The following VSIG8 variants were observed in gnomAD, a reference collection of about 807,000 sequenced individuals.
VSIG8 encodes V-set and immunoglobulin domain containing 8, also known as V-set and immunoglobulin domain-containing protein 8.
In VSIG8, 32 loss-of-function variants were observed where a neutral mutation model predicts 42.6. The ratio of observed to expected loss-of-function variants is 0.75; its 90% CI spans 0.57 to 1.01. The LOEUF is 1.01. Among genes scored for constraint, VSIG8 ranks in the 50% least tolerant of loss-of-function variants. The pLI, the probability that VSIG8 is intolerant of heterozygous loss-of-function variation, is 0.00. For synonymous variants in VSIG8, 290 were observed against 243.8 expected (o/e 1.19, Z -1.77); for missense variants, 529 against 558.0 (o/e 0.95, Z 0.52).
intron 1 of VSIG8, 156 bp downstream of exon 1, chr1:159,862,317 C>T: frequency 1.4e-6 from 1 of 692,768 alleles, no homozygotes; most frequent in Non-Finnish European, 2.4e-6. Flanking sequence ...GGAAAGGTCC[C>T]CTGGTAATAC....
intron 6 of VSIG8, chr1:159,855,435 C>A: frequency 7.1e-7 from 1 of 1,415,514 alleles, no homozygotes; most frequent in Non-Finnish European, 9.2e-7. Flanking sequence ...TCCATCTTTC[C>A]CTCCATCCCC....
At chr1:159,859,928 A>G (rs1363452552) in intron 1 of VSIG8, among the ~76,000 whole-genome samples, 1 of 151,964 alleles carries the variant, frequency 6.6e-6, no homozygotes, top group East Asian at 1.9e-4. Flanking sequence ...CTGAAGCCCC[A>G]GGCAGGCCTA....
intron 1 of VSIG8, chr1:159,862,268 C>T (rs2101832979): frequency 3.7e-6 from 2 of 536,220 alleles, no homozygotes; most frequent in Non-Finnish European, 6.6e-6. Flanking sequence ...CTCTGCACTA[C>T]AGACACACAC....
intron 1 of VSIG8, chr1:159,860,530 C>T (rs1358424818): frequency 6.6e-6 from 1 of 152,184 alleles, no homozygotes; most frequent in Non-Finnish European, 1.5e-5. Flanking sequence ...AACATCCCCC[C>T]TAGGAACACT....
intron 1 of VSIG8, among the ~76,000 whole-genome samples, chr1:159,859,945 A>G (rs1294252081): frequency 6.6e-6 from 1 of 151,718 alleles, no homozygotes; most frequent in Non-Finnish European, 1.5e-5. Context: ...CCTATCCCCA[A>G]CCGGTTGGAC....
chr1:159,856,393 A>G, intron 5 of VSIG8, 131 bp downstream of exon 5: 1 of 1,478,976 alleles, frequency 6.8e-7, no homozygotes, highest in Non-Finnish European at 9.2e-7. Context: ...CTTGTAGGAA[A>G]GGGGCTGGGA....
intron 6 of VSIG8, 78 bp downstream of exon 6, chr1:159,855,805 C>G: frequency 6.8e-7 from 1 of 1,460,458 alleles, no homozygotes; most frequent in Non-Finnish European, 9.0e-7. Context: ...CCCAGCCGGC[C>G]GGTGGCAGGC....
chr1:159,861,252 A>G (rs1160570286), intron 1 of VSIG8: 1 of 152,000 alleles, frequency 6.6e-6, no homozygotes, highest in Non-Finnish European at 1.5e-5. Context: ...AGCACCAGAA[A>G]CTGGCCATGC....
In VSIG8 at chr1:159,858,804, T is replaced by C. The variant is rs747222596; in HGVS notation, c.158A>G (p.Tyr53Cys). The change falls in exon 2 of 7, where the codon TAT (tyrosine) becomes TGT (cysteine). Residue 53 changes from tyrosine to cysteine, a missense_variant. Physicochemically the swap from Tyr to Cys is radical, Grantham distance 194. Transcript: ENST00000368100. Reference protein sequence around the residue: ...GCPYVLDPEDYGPNGLDIEWM... With the variant: ...GCPYVLDPEDCGPNGLDIEWM... ...CTCGATGTCCAGCCCATTGGGACCA[T>C]AGTCCTCAGGGTCCAGGACGTAGGG... 3 of 1,614,040 alleles carry C rather than the reference T, an allele frequency of 1.9e-6. No homozygotes were observed. Among genetic ancestry groups the C allele is most frequent in the Non-Finnish European group, 2.5e-6 (3 of 1,179,986 alleles).
chr1:159,856,149 A>T, intron 5 of VSIG8, 68 bp from the exon 6 acceptor site: 1 of 1,478,052 alleles, frequency 6.8e-7, no homozygotes, highest in Non-Finnish European at 9.2e-7. Context: ...GAACAGCACC[A>T]GGAGGTGCCA....
intron 1 of VSIG8, chr1:159,862,112 A>G: frequency 3.7e-6 from 1 of 269,990 alleles, no homozygotes. Flanking sequence ...GCCCTCACCC[A>G]ATGCCCGTGC....
At chr1:159,862,404 G>C in intron 1 of VSIG8, 69 bp downstream of exon 1, 1 of 1,511,284 alleles carries the variant, frequency 6.6e-7, no homozygotes, top group Non-Finnish European at 9.0e-7. Flanking sequence ...TCCACTGTGA[G>C]CCCTTGCTGC....
At chr1:159,855,501 C>T (rs1473219532) in intron 6 of VSIG8, 1 of 985,046 alleles carries the variant, frequency 1.0e-6, no homozygotes, top group Non-Finnish European at 1.2e-6. Flanking sequence ...TTCTAGTTTG[C>T]TTCTAATATA....
At position 159,857,736 on chromosome 1, in the gene VSIG8, C is replaced by T. The variant is rs757081885; in HGVS notation, c.652+9G>A. 13 of 1,612,872 alleles carry T rather than the reference C, an allele frequency of 8.1e-6. No homozygotes were observed. Among genetic ancestry groups the T allele is most frequent in the Admixed American group, 3.3e-5 (2 of 59,986 alleles). ...CACCCCCGACTGCCCTCATCCAGGGCCCTCTCACCTTGGTTTATGGAGCTG... is the reference window on the plus strand; with the variant it reads ...CACCCCCGACTGCCCTCATCCAGGGTCCTCTCACCTTGGTTTATGGAGCTG... On this transcript the variant is annotated intron_variant, in intron 4 of 6. Coordinates refer to ENST00000368100, the MANE Select transcript of VSIG8 (RefSeq NM_001013661.1).
chr1:159,856,156 G>A lies in VSIG8; in HGVS notation c.773-75C>T. 2.7e-6 allele frequency: 4 copies of A among 1,457,558 alleles called. No homozygotes were observed. The Admixed American group carries it at 7.9e-5, about 29-fold the overall frequency. The allele number at this position is 1,457,558 out of a possible 1,614,324, so 90.3% of individuals were successfully genotyped here. ...GCCTGAGGGAACAGCACCAGGAGGT[G>A]CCAGGTCAGGGGTTAATGGGAAAGA... is the stretch of plus-strand genomic sequence containing the variant. On this transcript the variant is annotated intron_variant, in intron 5 of 6. Coordinates refer to ENST00000368100, the MANE Select transcript of VSIG8 (RefSeq NM_001013661.1).
rs534416046 is a variant in VSIG8, at chr1:159,855,176, T to C, written c.972-150A>G. On this transcript the variant is annotated intron_variant, in intron 6 of 6. Transcript: ENST00000368100. ...TCTCTCTCCCTCGGCCTCGACCTAC[T>C]GTCCTTTGTGACCCTTCCTGGGTCG... is the stretch of plus-strand genomic sequence containing the variant. 3.9e-5 allele frequency: 61 copies of C among 1,551,586 alleles called. No homozygotes were observed. In the East Asian group the frequency reaches 1.4e-3, roughly 35 times the overall value.
In VSIG8 at chr1:159,854,644, C is replaced by T. The variant is rs573516875; in HGVS notation, c.*109G>A. 6.0e-4 allele frequency: 801 copies of T among 1,343,610 alleles called. 3 individuals are homozygous for T. In the African/African-American group the frequency reaches 0.011, roughly 19 times the overall value. The allele number at this position is 1,343,610 out of a possible 1,614,324, so 83.2% of individuals were successfully genotyped here. A position where few individuals can be genotyped will look rare whatever the true frequency, so the allele number is the denominator to read the frequency against. On this transcript the variant is annotated 3_prime_UTR_variant, in exon 7 of 7. Transcript: ENST00000368100. ...AATGCCTTCACCCCCAGCCGCCTGG[C>T]AGCCTGGGGCGAGCGAGGTCGTCCC...
chr1:159,856,690 C>A, intron 4 of VSIG8, 47 bp from the exon 5 acceptor site: 1 of 1,603,742 alleles, frequency 6.2e-7, no homozygotes. Context: ...GCTCCCACCC[C>A]AACCTCAGTC....
intron 6 of VSIG8, 167 bp from the exon 7 acceptor site, chr1:159,855,193 C>A (rs1266018462): frequency 6.4e-7 from 1 of 1,551,734 alleles, no homozygotes; most frequent in Non-Finnish European, 8.7e-7. Context: ...TGTGACCCTT[C>A]CTGGGTCGGC....
Sources: allele counts gnomAD v4.1 joint callset (sites outside exome capture counted in the v4.1 genomes callset), GRCh38; gene constraint gnomAD v4.1.1; transcripts MANE v1.5; gene names NCBI Gene and HGNC (gene_info 2026-07-23, HGNC 2026-07-21).